Variants in MYNN observed in about 807,000 individuals in gnomAD.
MYNN encodes the protein myoneurin.
In MYNN, 22 loss-of-function variants were observed where a neutral mutation model predicts 57.2. The ratio of observed to expected loss-of-function variants is 0.38; its 90% confidence interval spans 0.27 to 0.55. The LOEUF (loss-of-function observed/expected upper bound fraction) is 0.55, where lower values mean the gene tolerates loss of function less well. MYNN is among the 20% of genes least tolerant of loss of function. The pLI, the probability that MYNN is intolerant of heterozygous loss-of-function variation, is 0.71. For synonymous variants in MYNN, 241 were observed against 257.1 expected (o/e 0.94, Z 0.60); for missense variants, 566 against 723.1 (o/e 0.78, Z 2.49).
At chr3:169,774,215 G>A (rs1778261157) in intron 1 of MYNN, 50 bp from the exon 2 acceptor site, 2 of 1,422,754 alleles carry the variant, frequency 1.4e-6, no homozygotes, top group Non-Finnish European at 1.9e-6. Context: ...CTCACTGAAC[G>A]TTGATGAGAA....
intron 2 of MYNN, chr3:169,777,937 TAAG>T (rs1360559080): frequency 2.0e-5 from 3 of 152,194 alleles, no homozygotes; most frequent in African/African-American, 7.2e-5. Context: ...GGAAGTGTAT[TAAG>T]AAATGCAGGC....
intron 4 of MYNN, among the ~76,000 whole-genome samples, chr3:169,781,899 G>A (rs1367182877): frequency 2.0e-5 from 3 of 152,010 alleles, no homozygotes; most frequent in Non-Finnish European, 2.9e-5. Context: ...AAGGGTCTTT[G>A]TTTTGTTTTT....
rs139138672 is a variant in MYNN, at chr3:169,780,645, G to A, written c.1116G>A (p.Gln372=). 1.3e-4 allele frequency: 211 copies of A among 1,612,902 alleles called. 1 individual carries two copies. In the African/African-American group the frequency reaches 2.5e-3, roughly 19 times the overall value. The change falls in exon 4 of 8, where the codon CAG becomes CAA. Residue 372 remains glutamine (Q), a synonymous_variant. Coordinates refer to ENST00000349841, the MANE Select transcript of MYNN (RefSeq NM_018657.5). Reference sequence around the variant, plus strand: ...ATAAAGGATTTGCTCAGAAATGTCAGCTAGTCTTCCATAGTCGCATGCATC... The same window carrying A: ...ATAAAGGATTTGCTCAGAAATGTCAACTAGTCTTCCATAGTCGCATGCATC... ...LCDKGFAQKC[Q]LVFHSRMHHG...
intron 3 of MYNN, 70 bp downstream of exon 3, chr3:169,779,631 C>T: frequency 7.0e-7 from 1 of 1,436,390 alleles, no homozygotes; most frequent in Non-Finnish European, 9.4e-7. Flanking sequence ...ATAGAGAGTA[C>T]TTAGCACACA....
rs573384896 is a variant in MYNN at position 169,778,716 on chromosome 3, C to T, written c.267-52C>T. On this transcript the variant is annotated intron_variant, in intron 2 of 7. Transcript: ENST00000349841. ...TTGAAGTATATATGCAGCTCTGTTT[C>T]GAAAGTTTTTCTTTGATCAGAATAT... 24 of 1,458,358 alleles carry T rather than the reference C, an allele frequency of 1.6e-5. No homozygotes were observed. The African/African-American group carries it at 2.6e-4, about 16-fold the overall frequency. The allele number at this position is 1,458,358 out of a possible 1,614,324, so 90.3% of individuals were successfully genotyped here.
rs748995902 is a variant in MYNN at position 169,779,569 on chromosome 3, G to A, written c.1060+8G>A. ...ATGTAAGAACTCATACAGGTGAGAC[G>A]GGTGTGTGGGGAGATATTATTTTTA... On this transcript the variant is annotated splice_region_variant and intron_variant, in intron 3 of 7. Transcript: ENST00000349841. The A allele has an allele frequency of 3.2e-5, 51 of 1,607,736 alleles. No individual in the cohort carries two copies. In the South Asian group the frequency reaches 3.2e-4, roughly 10 times the overall value.
rs1778714385 is a variant in MYNN, at chr3:169,787,783, GTCC to G, written c.*1107_*1109del. On this transcript the variant is annotated 3_prime_UTR_variant, in exon 8 of 8. Coordinates refer to ENST00000349841, the MANE Select transcript of MYNN (RefSeq NM_018657.5). ...TGGTGGTGGTTGTAGTTTCACAATG[GTCC>G]TTTTCCTTCCAAATGAATGTAGAAA... 6.6e-6 allele frequency: 1 copy of G among 151,878 alleles called. No homozygotes were observed. The highest frequency in any genetic ancestry group is 1.9e-4 in the East Asian group (1 of 5,198). The allele number at this position is 151,878 out of a possible 1,614,324, so 9.4% of individuals were successfully genotyped here. A position where few individuals can be genotyped will look rare whatever the true frequency, so the allele number is the denominator to read the frequency against.
intron 7 of MYNN, 143 bp from the exon 8 acceptor site, chr3:169,786,273 G>T: frequency 1.5e-6 from 1 of 681,626 alleles, no homozygotes; most frequent in Non-Finnish European, 2.5e-6. Context: ...TAGTGAGGAG[G>T]GCATATGTAC....
At chr3:169,785,070 A>AG (rs71300477) in intron 7 of MYNN, among the ~76,000 whole-genome samples, 17,085 of 100,356 alleles carry the variant, frequency 0.17, 1,949 homozygotes, top group East Asian at 0.53. Flanking sequence ...ATGAAAAAAA[A>AG]GGGGGGGGGG....
In MYNN at chr3:169,782,283, G is replaced by A. The variant is rs921078971; in HGVS notation, c.1221-182G>A. Among the ~76,000 whole-genome samples, 1 of 152,156 alleles carries A rather than the reference G, an allele frequency of 6.6e-6. No homozygotes were observed. The highest frequency in any genetic ancestry group is 2.4e-5 in the African/African-American group (1 of 41,434). On this transcript the variant is annotated intron_variant, in intron 4 of 7. Coordinates refer to ENST00000349841, the MANE Select transcript of MYNN (RefSeq NM_018657.5). This position sits in a 1 kb window ranked among gnomAD's most constrained non-coding sequence, Gnocchi z 4.8. ...TTTTTGAACTGATCTCAGAACTAAT[G>A]TTTTGATAATAAGAAATATTTGTTT...
At chr3:169,781,895 CTTTGT>C (rs1347527642) in intron 4 of MYNN, among the ~76,000 whole-genome samples, 2 of 151,528 alleles carry the variant, frequency 1.3e-5, no homozygotes, top group African/African-American at 4.9e-5. Flanking sequence ...GGTCAAGGGT[CTTTGT>C]TTTGTTTTTG....
At position 169,787,267 on chromosome 3, in the gene MYNN, G is replaced by C. The variant is rs1386432508; in HGVS notation, c.*589G>C. 4 of 152,124 alleles carry C rather than the reference G, an allele frequency of 2.6e-5. No homozygotes were observed. The highest frequency in any genetic ancestry group is 4.4e-5 in the Non-Finnish European group (3 of 68,000). 9.4% of individuals were successfully genotyped at this position (152,124 alleles called of 1,614,324 possible). On this transcript the variant is annotated 3_prime_UTR_variant, in exon 8 of 8. Transcript: ENST00000349841. ...AAAATGTTTCTCAAAATCTAGAAAA[G>C]TGCATATAAATTTTTGTTCATTTAG...
At chr3:169,785,980 G>C (rs1778665187) in intron 7 of MYNN, among the ~76,000 whole-genome samples, 1 of 152,034 alleles carries the variant, frequency 6.6e-6, no homozygotes, top group Non-Finnish European at 1.5e-5. Context: ...TGAATGAAAA[G>C]AGTATTTCTT....
At position 169,787,217 on chromosome 3, in the gene MYNN, T is replaced by G. The variant is rs1039725275; in HGVS notation, c.*539T>G. On this transcript the variant is annotated 3_prime_UTR_variant, in exon 8 of 8. Transcript: ENST00000349841. ...TGCTATTTCTCTATTAATATATTGTTAGAAATAACTTTTCTAATGAAACAA... is the reference window on the plus strand; with the variant it reads ...TGCTATTTCTCTATTAATATATTGTGAGAAATAACTTTTCTAATGAAACAA... 6.6e-6 allele frequency: 1 copy of G among 152,316 alleles called. No individual in the cohort carries two copies. Among genetic ancestry groups the G allele is most frequent in the African/African-American group, 2.4e-5 (1 of 41,462 alleles). 9.4% of individuals were successfully genotyped at this position (152,316 alleles called of 1,614,324 possible). A position where few individuals can be genotyped will look rare whatever the true frequency, so the allele number is the denominator to read the frequency against.
chr3:169,775,005 A>C (rs1778292705), intron 2 of MYNN, among the ~76,000 whole-genome samples: 1 of 152,020 alleles, frequency 6.6e-6, no homozygotes, highest in African/African-American at 2.4e-5. Flanking sequence ...CACCTGGCTA[A>C]TTTTTGTATT....
chr3:169,783,294 T>C (rs756634780), intron 5 of MYNN, among the ~76,000 whole-genome samples, 183 bp from the exon 6 acceptor site: 6 of 152,094 alleles, frequency 3.9e-5, no homozygotes, highest in Admixed American at 6.5e-5. Flanking sequence ...TGAAAACTTA[T>C]GAACAGTATA....
rs553632957 is a variant in MYNN at position 169,782,744 on chromosome 3, A to G, written c.1399+101A>G. On this transcript the variant is annotated intron_variant, in intron 5 of 7. Transcript: ENST00000349841. This position sits in a 1 kb window ranked among gnomAD's most constrained non-coding sequence, Gnocchi z 4.8. ...AGTAGATCGGAAACTTTGTAGTTAG[A>G]TATCTGTTTATATTTCTATAAGCTA... 61 of 810,380 alleles carry G rather than the reference A, an allele frequency of 7.5e-5. 2 individuals are homozygous for G. The Admixed American group carries it at 1.5e-3, about 20-fold the overall frequency. The allele number at this position is 810,380 out of a possible 1,614,324, so 50.2% of individuals were successfully genotyped here. A position where few individuals can be genotyped will look rare whatever the true frequency, so the allele number is the denominator to read the frequency against.
rs1778231632 is a variant in MYNN at position 169,773,399 on chromosome 3, G to C, written c.-95G>C. On this transcript the variant is annotated 5_prime_UTR_variant, in exon 1 of 8. Transcript: ENST00000349841. ...AGGGAGGGGCGGAGCGTGGCTCGGT[G>C]ACGTCCTCCCAAGATGGCGGAGACA... is the stretch of plus-strand genomic sequence containing the variant. 6.6e-6 allele frequency: 1 copy of C among 152,378 alleles called. No homozygotes were observed. Among genetic ancestry groups the C allele is most frequent in the Non-Finnish European group, 1.5e-5 (1 of 68,156 alleles). The allele number at this position is 152,378 out of a possible 1,614,324, so 9.4% of individuals were successfully genotyped here.
rs1465627673 is a variant in MYNN at position 169,786,416 on chromosome 3, G to T, written c.1571G>T (p.Gly524Val). ...AGATTTTTTTTTCCTTCCATTCTAG[G>T]TGCAGATAAAACTCTAGACTCCAGT... ...LKKHKTKVHS[G>V]ADKTLDSSAE... Residue 524 changes from glycine to valine, a missense_variant and splice_region_variant, in exon 8 of 8, where the codon GGT becomes GTT. Transcript: ENST00000349841. 2 of 1,605,718 alleles carry T rather than the reference G, an allele frequency of 1.2e-6. No homozygotes were observed. The highest frequency in any genetic ancestry group is 1.1e-5 in the South Asian group (1 of 90,610).
Sources: gnomAD v4.1 joint callset for allele counts (sites outside exome capture counted in the v4.1 genomes callset) on GRCh38, gnomAD v4.1.1 for gene constraint, Gnocchi (gnomAD v3.1) non-coding constraint, MANE v1.5 for transcripts, NCBI Gene and HGNC (gene_info 2026-07-23, HGNC 2026-07-21) for gene names.